The following PTPRK variants were observed in gnomAD, a reference collection of about 807,000 sequenced individuals.
The protein encoded by PTPRK is protein tyrosine phosphatase receptor type K.
A neutral mutation model predicts 178.0 loss-of-function variants in PTPRK; 75 were observed. The ratio of observed to expected loss-of-function variants is 0.42; its 90% CI spans 0.35 to 0.51. The LOEUF (loss-of-function observed/expected upper bound fraction) is 0.51. Among genes scored for constraint, PTPRK ranks in the 20% least tolerant of loss-of-function variants. The probability of loss-of-function intolerance (pLI) is 0.02; values close to 1 mark genes in which losing one functional copy is unlikely to be tolerated. For missense variants in PTPRK, 1,441 were observed against 1,797.8 expected, an observed-to-expected ratio of 0.80 and a Z score of 3.59; for synonymous variants, 637 against 620.6, an observed-to-expected ratio of 1.03 and a Z score of -0.39.
At chr6:128,213,755 CA>C (rs1373558736) in intron 6 of PTPRK, among the ~76,000 whole-genome samples, 1 of 151,824 alleles carries the variant, frequency 6.6e-6, no homozygotes, top group African/African-American at 2.4e-5. Flanking sequence ...ATAAAAACAC[CA>C]AAAAAATTCA....
chr6:128,328,472 C>T (rs1829856943), intron 2 of PTPRK, among the ~76,000 whole-genome samples: 1 of 152,068 alleles, frequency 6.6e-6, no homozygotes, highest in Non-Finnish European at 1.5e-5. Flanking sequence ...GATAAATTAC[C>T]AGAAAATGTC....
chr6:128,083,614 C>T (rs188883279), intron 9 of PTPRK, 101 bp downstream of exon 9: 1 of 539,644 alleles, frequency 1.9e-6, no homozygotes, highest in East Asian at 3.2e-5. Flanking sequence ...ATCCCCTAAT[C>T]CTCATTTACG....
intron 1 of PTPRK, among the ~76,000 whole-genome samples, chr6:128,403,762 T>C (rs1410384069): frequency 6.6e-6 from 1 of 152,206 alleles, no homozygotes; most frequent in Non-Finnish European, 1.5e-5. Flanking sequence ...TATTACCATA[T>C]TGCCAAAACC....
At chr6:128,434,717 T>C (rs1367106399) in intron 1 of PTPRK, among the ~76,000 whole-genome samples, 1 of 152,092 alleles carries the variant, frequency 6.6e-6, no homozygotes, top group African/African-American at 2.4e-5. Context: ...CTTGAATAAA[T>C]AGAGCTATTT....
intron 13 of PTPRK, among the ~76,000 whole-genome samples, chr6:128,033,490 A>C (rs1014519160): frequency 7.9e-5 from 12 of 152,228 alleles, no homozygotes; most frequent in African/African-American, 2.9e-4. Context: ...ATTCAAATAA[A>C]TTTTTGTTTT....
chr6:128,068,224 C>T lies in PTPRK; in HGVS notation c.1884-432G>A, dbSNP rs988987763. On this transcript the variant is annotated intron_variant, in intron 11 of 29. Transcript: ENST00000368226. ...GTCTAACAGAATGACTGCCTCAGGG[C>T]GGTGCTAGAAGCACCCATTTGTGGT... 1.1e-4 allele frequency among the ~76,000 whole-genome samples: 16 copies of T among 152,212 alleles called. 1 individual carries two copies. The highest frequency in any genetic ancestry group is 5.2e-4 in the Admixed American group (8 of 15,270).
chr6:128,109,294 A>C (rs1790244425), intron 7 of PTPRK, among the ~76,000 whole-genome samples: 1 of 152,166 alleles, frequency 6.6e-6, no homozygotes, highest in Non-Finnish European at 1.5e-5. Context: ...ATACATTATT[A>C]ATAATTGTTA....
intron 3 of PTPRK, among the ~76,000 whole-genome samples, chr6:128,317,248 G>A (rs1828132153): frequency 6.6e-6 from 1 of 151,984 alleles, no homozygotes; most frequent in Non-Finnish European, 1.5e-5. Flanking sequence ...TGTGCATGAA[G>A]GTAAGAAACA....
At chr6:128,377,548 A>C (rs1250805217) in intron 2 of PTPRK, among the ~76,000 whole-genome samples, 2 of 152,146 alleles carry the variant, frequency 1.3e-5, no homozygotes, top group Non-Finnish European at 2.9e-5. Context: ...TATATTTGTT[A>C]AATGAATATA....
intron 5 of PTPRK, among the ~76,000 whole-genome samples, chr6:128,237,807 C>T (rs1813564142): frequency 6.6e-6 from 1 of 150,882 alleles, no homozygotes; most frequent in Admixed American, 6.6e-5. Flanking sequence ...ACTTTGGAAC[C>T]AGAATTCTTC....
In PTPRK at chr6:128,441,743, C is replaced by T. The variant is rs143889378; in HGVS notation, c.101-44055G>A. On this transcript the variant is annotated intron_variant, in intron 1 of 29. Coordinates refer to ENST00000368226, the MANE Select transcript of PTPRK (RefSeq NM_002844.4). ...CAACCAAAAGATTAGTAATTTAAGA[C>T]GATATATACAGAATGGTTTACACAT... 1.3e-4 allele frequency among the ~76,000 whole-genome samples: 20 copies of T among 152,218 alleles called. No individual in the cohort carries two copies. In the East Asian group the frequency reaches 2.1e-3, roughly 16 times the overall value.
chr6:128,142,698 A>G (rs915540620), intron 7 of PTPRK, among the ~76,000 whole-genome samples: 5 of 151,992 alleles, frequency 3.3e-5, no homozygotes, highest in African/African-American at 1.2e-4. Context: ...ATGTGTAAAG[A>G]AAAAAATACC....
At chr6:128,436,598 ATT>A (rs528184321) in intron 1 of PTPRK, among the ~76,000 whole-genome samples, 1,574 of 148,668 alleles carry the variant, frequency 0.011, 31 homozygotes, top group African/African-American at 0.037. Context: ...CTGTTGAGTG[ATT>A]TTTTTTTTTA....
Position 127,996,117 on chromosome 6 carries a change from T to C in PTPRK, c.2768-579A>G, listed in dbSNP as rs78707058. On this transcript the variant is annotated intron_variant, in intron 17 of 29. Coordinates refer to ENST00000368226, the MANE Select transcript of PTPRK (RefSeq NM_002844.4). ...CTGTGGTTTTGTCTGATAATGACTT[T>C]ATTATCCCGTGTATATCTTGAGGAC... is the stretch of plus-strand genomic sequence containing the variant. 6.4e-4 allele frequency among the ~76,000 whole-genome samples: 97 copies of C among 152,242 alleles called. No homozygotes were observed. The East Asian group carries it at 0.018, about 28-fold the overall frequency.
At chr6:128,117,325 T>A (rs906728597) in intron 7 of PTPRK, among the ~76,000 whole-genome samples, 1 of 152,172 alleles carries the variant, frequency 6.6e-6, no homozygotes, top group African/African-American at 2.4e-5. Context: ...CATTTTCCTA[T>A]GTTAGTGTTA....
intron 2 of PTPRK, among the ~76,000 whole-genome samples, chr6:128,366,848 A>G (rs1048288074): frequency 6.6e-6 from 1 of 152,168 alleles, no homozygotes; most frequent in African/African-American, 2.4e-5. Flanking sequence ...TGAGCATGCA[A>G]GTCAGATTGC....
At chr6:128,439,316 T>C (rs1190129974) in intron 1 of PTPRK, among the ~76,000 whole-genome samples, 25 of 152,086 alleles carry the variant, frequency 1.6e-4, no homozygotes, top group Non-Finnish European at 1.5e-5. Flanking sequence ...ATACAATGAG[T>C]GCAGAAACTT....
At chr6:127,983,459 A>G (rs541837991) in intron 22 of PTPRK, 82 bp from the exon 23 acceptor site, 2 of 1,415,146 alleles carry the variant, frequency 1.4e-6, no homozygotes, top group South Asian at 1.4e-5. Context: ...CCACTGTCAG[A>G]TAGGTAGAAT....
intron 21 of PTPRK, among the ~76,000 whole-genome samples, chr6:127,986,319 T>C (rs1009128234): frequency 5.3e-5 from 8 of 152,196 alleles, no homozygotes; most frequent in Non-Finnish European, 1.0e-4. Context: ...CTTATCCATG[T>C]TGAAAATGGT....
Sources: allele counts gnomAD v4.1 joint callset (sites outside exome capture counted in the v4.1 genomes callset), GRCh38; gene constraint gnomAD v4.1.1; transcripts MANE v1.5; gene names NCBI Gene and HGNC (gene_info 2026-07-23, HGNC 2026-07-21).